ZNF714: variants seen among roughly 807,000 people sequenced by gnomAD.
The protein encoded by ZNF714 is zinc finger protein 714.
In ZNF714, 32 loss-of-function variants were observed where a neutral mutation model predicts 46.2. The ratio of observed to expected loss-of-function variants is 0.69; its 90% CI spans 0.52 to 0.93. ZNF714 has a LOEUF of 0.93. Among genes scored for constraint, ZNF714 ranks in the 40% least tolerant of loss-of-function variants. ZNF714 has a pLI of 0.00. For missense variants in ZNF714, 635 were observed against 646.3 expected, an observed-to-expected ratio of 0.98 and a Z score of 0.19; for synonymous variants, 199 against 213.1, an observed-to-expected ratio of 0.93 and a Z score of 0.58.
At chr19:21,114,405 G>T in intron 4 of ZNF714, among the ~76,000 whole-genome samples, 1 of 128,576 alleles carries the variant, frequency 7.8e-6, no homozygotes, top group East Asian at 2.4e-4. Context: ...CACTGCACTC[G>T]AACCTAGGTG....
At position 21,110,248 on chromosome 19, in the gene ZNF714, A is replaced by T. The variant is rs556164767; in HGVS notation, c.143-6559A>T. On this transcript the variant is annotated intron_variant, in intron 4 of 4. Transcript: ENST00000456283. ...AGCATTTCTATTTCTCCATAGCCTC[A>T]CCAACATCTGTTGTTTCTTGGCTTT... Among the ~76,000 whole-genome samples, 3 of 152,204 alleles carry T rather than the reference A, an allele frequency of 2.0e-5. No homozygotes were observed. The East Asian group carries it at 5.8e-4, about 29-fold the overall frequency.
chr19:21,094,014 G>A (rs749027297), intron 2 of ZNF714, among the ~76,000 whole-genome samples: 7 of 152,090 alleles, frequency 4.6e-5, no homozygotes, highest in African/African-American at 9.7e-5. Context: ...TGTTTGAGAC[G>A]GAGTCTCACT....
chr19:21,117,173 A>G lies in ZNF714; in HGVS notation c.509A>G (p.Glu170Gly), dbSNP rs1388396786. 6.2e-7 allele frequency: 1 copy of G among 1,614,078 alleles called. No homozygotes were observed. The highest frequency in any genetic ancestry group is 1.1e-5 in the South Asian group (1 of 91,078). Reference sequence around the variant, plus strand: ...CAACATAAAAGAATTCATATTAGAGAGAATTCTTACCAATGTGAAGAATGT... The same window carrying G: ...CAACATAAAAGAATTCATATTAGAGGGAATTCTTACCAATGTGAAGAATGT... ...LHQHKRIHIR[E>G]NSYQCEECDK... is the part of the protein sequence containing the mutation. Residue 170 changes from glutamate to glycine, a missense_variant, in exon 5 of 5, where the codon GAG becomes GGG. By Grantham distance (98) the Glu-to-Gly change is moderately conservative (BLOSUM62 -2). Coordinates refer to ENST00000456283, the MANE Select transcript of ZNF714 (RefSeq NM_182515.4).
At chr19:21,114,061 C>T (rs965436350) in intron 4 of ZNF714, among the ~76,000 whole-genome samples, 5 of 152,028 alleles carry the variant, frequency 3.3e-5, no homozygotes, top group African/African-American at 1.2e-4. Flanking sequence ...TCTGGGTGCT[C>T]CTTGAATTGA....
At chr19:21,102,688 A>G (rs1014565309) in intron 4 of ZNF714, among the ~76,000 whole-genome samples, 1 of 152,150 alleles carries the variant, frequency 6.6e-6, no homozygotes. Context: ...GTGCATGCCA[A>G]TTATTCGAAA....
chr19:21,106,200 A>G (rs1226258435), intron 4 of ZNF714, among the ~76,000 whole-genome samples: 3 of 152,012 alleles, frequency 2.0e-5, no homozygotes, highest in Non-Finnish European at 4.4e-5. Context: ...GATTTCAGTG[A>G]GCCGAGGTCG....
At chr19:21,103,153 T>A (rs901927268) in intron 4 of ZNF714, among the ~76,000 whole-genome samples, 16 of 145,410 alleles carry the variant, frequency 1.1e-4, no homozygotes, top group Admixed American at 1.0e-3. Flanking sequence ...GAATATATAT[T>A]TCCTTTGTGT....
Position 21,117,041 on chromosome 19 carries a change from T to C in ZNF714, c.377T>C (p.Phe126Ser), listed in dbSNP as rs756701922. The C allele has an allele frequency of 2.5e-6, 4 of 1,613,062 alleles. No homozygotes were observed. The South Asian group carries it at 4.4e-5, about 18-fold the overall frequency. ...IFPCDKYIKVFHKIFNSNRHK... is the reference protein window; with the variant it reads ...IFPCDKYIKVSHKIFNSNRHK... Reference sequence around the variant, plus strand: ...CCATGTGATAAATATATAAAAGTCTTTCATAAAATTTTCAATTCAAATAGA... The same window carrying C: ...CCATGTGATAAATATATAAAAGTCTCTCATAAAATTTTCAATTCAAATAGA... The change falls in exon 5 of 5, where the codon TTT becomes TCT. Residue 126 changes from phenylalanine to serine, a missense_variant. Coordinates refer to ENST00000456283, the MANE Select transcript of ZNF714 (RefSeq NM_182515.4).
At chr19:21,084,191 A>C (rs1968722508) in intron 2 of ZNF714, 122 bp downstream of exon 2, 1 of 265,036 alleles carries the variant, frequency 3.8e-6, no homozygotes. Flanking sequence ...AAAAAGAAAA[A>C]AAAATTGTGA....
Position 21,117,635 on chromosome 19 carries a change from G to T in ZNF714, c.971G>T (p.Trp324Leu), listed in dbSNP as rs756290452. 3.7e-6 allele frequency: 6 copies of T among 1,610,352 alleles called. No homozygotes were observed. The Admixed American group carries it at 8.4e-5, about 23-fold the overall frequency. ...GAACAATGTGGCAAAGGCTTTAACT[G>T]GTCTTCAACCCTTACAAAACATAAA... Reference protein sequence around the residue: ...KCEQCGKGFNWSSTLTKHKRI... With the variant: ...KCEQCGKGFNLSSTLTKHKRI... The change falls in exon 5 of 5, where the codon TGG becomes TTG. Residue 324 changes from tryptophan to leucine, a missense_variant. Coordinates refer to ENST00000456283, the MANE Select transcript of ZNF714 (RefSeq NM_182515.4).
At position 21,118,544 on chromosome 19, in the gene ZNF714, CT is replaced by C; in HGVS notation, c.*217del. On this transcript the variant is annotated 3_prime_UTR_variant, in exon 5 of 5. Transcript: ENST00000456283. ...CAGTGCTTTCAACCAGTCCTCGAAC[CT>C]TTTTAAGAAAATAATTTATACTGGA... The C allele has an allele frequency of 1.1e-5, 3 of 266,296 alleles. No homozygotes were observed. The highest frequency in any genetic ancestry group is 5.1e-5 in the Admixed American group (1 of 19,620). The allele number at this position is 266,296 out of a possible 1,614,324, so 16.5% of individuals were successfully genotyped here. A position where few individuals can be genotyped will look rare whatever the true frequency, so the allele number is the denominator to read the frequency against.
chr19:21,115,712 T>C (rs1271865071), intron 4 of ZNF714, among the ~76,000 whole-genome samples: 1 of 151,974 alleles, frequency 6.6e-6, no homozygotes, highest in African/African-American at 2.4e-5. Flanking sequence ...AAATTGTGCT[T>C]ATATATGTGT....
rs368238872 is a variant in ZNF714, at chr19:21,121,780, A to G, written c.*3448A>G. ...TATTACTGTACAATCCATGACTTAC[A>G]GTTCTGAACCTTTTCATGCAAATTC... On this transcript the variant is annotated 3_prime_UTR_variant, in exon 5 of 5. Coordinates refer to ENST00000456283, the MANE Select transcript of ZNF714 (RefSeq NM_182515.4). The G allele has an allele frequency of 2.0e-3, 312 of 152,364 alleles. No individual in the cohort carries two copies. Among genetic ancestry groups the G allele is most frequent in the African/African-American group, 6.6e-3 (273 of 41,596 alleles). The allele number at this position is 152,364 out of a possible 1,614,324, so 9.4% of individuals were successfully genotyped here. A position where few individuals can be genotyped will look rare whatever the true frequency, so the allele number is the denominator to read the frequency against.
At chr19:21,111,887 C>T (rs1216784725) in intron 4 of ZNF714, among the ~76,000 whole-genome samples, 1 of 152,006 alleles carries the variant, frequency 6.6e-6, no homozygotes, top group African/African-American at 2.4e-5. Context: ...TTATGTTTAT[C>T]GAGTTTTGTA....
At chr19:21,097,969 T>C (rs1249959799) in intron 2 of ZNF714, among the ~76,000 whole-genome samples, 2 of 152,218 alleles carry the variant, frequency 1.3e-5, no homozygotes, top group African/African-American at 4.8e-5. Flanking sequence ...AGAAAAGTAT[T>C]ATATATGCAC....
At chr19:21,092,652 G>A (rs1342314360) in intron 2 of ZNF714, among the ~76,000 whole-genome samples, 1 of 152,040 alleles carries the variant, frequency 6.6e-6, no homozygotes, top group Non-Finnish European at 1.5e-5. Context: ...ATTGTGTCAT[G>A]GGGTTTTGGT....
intron 2 of ZNF714, among the ~76,000 whole-genome samples, chr19:21,094,494 A>G (rs1439563328): frequency 6.6e-6 from 1 of 152,184 alleles, no homozygotes; most frequent in Non-Finnish European, 1.5e-5. Flanking sequence ...AGCAGTGTAT[A>G]AACATTCCAT....
At chr19:21,082,698 C>T (rs1444324067) in intron 1 of ZNF714, among the ~76,000 whole-genome samples, 1 of 44,278 alleles carries the variant, frequency 2.3e-5, no homozygotes, top group African/African-American at 4.8e-5. Flanking sequence ...ATGAATGGGT[C>T]CGTGGGGTTC....
rs1185380071 is a variant in ZNF714 at position 21,087,180 on chromosome 19, C to A, written c.-85+3111C>A. On this transcript the variant is annotated intron_variant, in intron 2 of 4. Transcript: ENST00000456283. Reference sequence around the variant, plus strand: ...AATCATCTTTTGAAGAGGATCAACACAACTTGATTGTCTGCATGGGAAAGT... The same window carrying A: ...AATCATCTTTTGAAGAGGATCAACAAAACTTGATTGTCTGCATGGGAAAGT... Among the ~76,000 whole-genome samples the A allele has an allele frequency of 4.2e-5, 5 of 120,440 alleles. No individual in the cohort carries two copies. The Admixed American group carries it at 5.4e-4, about 13-fold the overall frequency. The allele number at this position is 120,440 out of a possible 152,430, so 79.0% of individuals were successfully genotyped here. A position where few individuals can be genotyped will look rare whatever the true frequency, so the allele number is the denominator to read the frequency against.
Sources: gnomAD v4.1 joint callset for allele counts (sites outside exome capture counted in the v4.1 genomes callset) on GRCh38, gnomAD v4.1.1 for gene constraint, MANE v1.5 for transcripts, NCBI Gene and HGNC (gene_info 2026-07-23, HGNC 2026-07-21) for gene names.